Variants in ARHGEF28 observed in about 807,000 individuals in gnomAD.
The protein encoded by ARHGEF28 is 190 kDa guanine nucleotide exchange factor.
ARHGEF28 carries 152 observed loss-of-function variants against 206.6 expected under a neutral mutation model. The ratio of observed to expected loss-of-function variants is 0.74; its 90% confidence interval spans 0.64 to 0.84. ARHGEF28 has a LOEUF of 0.84. ARHGEF28 is among the 40% of genes least tolerant of loss of function. The probability of loss-of-function intolerance (pLI) is 0.00; values close to 1 mark genes in which losing one functional copy is unlikely to be tolerated. For missense variants in ARHGEF28, 2,028 were observed against 2,073.2 expected, an observed-to-expected ratio of 0.98 and a Z score of 0.42; for synonymous variants, 763 against 776.4, an observed-to-expected ratio of 0.98 and a Z score of 0.29.
intron 26 of ARHGEF28, among the ~76,000 whole-genome samples, chr5:73,890,878 G>T (rs1317457940): frequency 6.6e-6 from 1 of 152,160 alleles, no homozygotes; most frequent in African/African-American, 2.4e-5. Flanking sequence ...CATTCTTTTG[G>T]CCATTCTTTC....
In ARHGEF28 at chr5:73,792,771, A is replaced by G. The variant is rs75642075; in HGVS notation, c.911-1631A>G. Among the ~76,000 whole-genome samples, 1,367 of 151,870 alleles carry G rather than the reference A, an allele frequency of 9.0e-3. 6 individuals carry two copies. The highest frequency in any genetic ancestry group is 0.015 in the Non-Finnish European group (1,002 of 67,992). On this transcript the variant is annotated intron_variant, in intron 7 of 35. Transcript: ENST00000513042. Reference sequence around the variant, plus strand: ...GTACACTTATAATGTGCCAAATACCATGGTAGGTGCTTCACATCAATTTTC... The same window carrying G: ...GTACACTTATAATGTGCCAAATACCGTGGTAGGTGCTTCACATCAATTTTC...
Position 73,887,615 on chromosome 5 carries a change from T to C in ARHGEF28, c.3323T>C (p.Leu1108Pro). 6.4e-7 allele frequency: 1 copy of C among 1,566,914 alleles called. No individual in the cohort carries two copies. The highest frequency in any genetic ancestry group is 8.7e-7 in the Non-Finnish European group (1 of 1,154,798). ...TTTTTCTTTAAAGATATCCTAGCTC[T>C]ACTTCTAACTGATGTGCTGCTCTTT... ...ATGRFKDILA[L>P]LLTDVLLFLQ... is the part of the protein sequence containing the mutation. Residue 1108 changes from leucine (L) to proline (P), a missense_variant, in exon 26 of 36, where the codon CTA (leucine) becomes CCA (proline). This residue lies in a region of ARHGEF28 where 803 missense variants were observed against 768.0 expected (regional missense o/e 1.05). Transcript: ENST00000513042.
intron 10 of ARHGEF28, chr5:73,835,089 A>G (rs1561441400): frequency 6.6e-6 from 1 of 152,198 alleles, no homozygotes; most frequent in African/African-American, 2.4e-5. Flanking sequence ...ACCAGCATCC[A>G]CGGAAGGAGG....
At chr5:73,768,037 C>T (rs1753001232) in intron 4 of ARHGEF28, among the ~76,000 whole-genome samples, 1 of 152,198 alleles carries the variant, frequency 6.6e-6, no homozygotes, top group African/African-American at 2.4e-5. Context: ...TTGGCAGCCT[C>T]CACATGGTGT....
At chr5:73,784,353 G>A (rs1220091575) in intron 7 of ARHGEF28, among the ~76,000 whole-genome samples, 4 of 152,098 alleles carry the variant, frequency 2.6e-5, no homozygotes, top group Non-Finnish European at 5.9e-5. Context: ...TATTGCCTAC[G>A]ATCCAGTTAT....
At position 73,773,956 on chromosome 5, in the gene ARHGEF28, G is replaced by A. The variant is rs763626937; in HGVS notation, c.577G>A (p.Ala193Thr). The change falls in exon 5 of 36, where the codon GCT becomes ACT. Residue 193 changes from alanine to threonine, a missense_variant. Transcript: ENST00000513042. Reference protein sequence around the residue: ...LCLPGGVQALALPNEEGATPL... With the variant: ...LCLPGGVQALTLPNEEGATPL... ...TCTCCCGGGGGGAGTCCAGGCCTTGGCTTTACCCAACGAAGAGGGTGCCAC... is the reference window on the plus strand; with the variant it reads ...TCTCCCGGGGGGAGTCCAGGCCTTGACTTTACCCAACGAAGAGGGTGCCAC... The A allele has an allele frequency of 1.2e-6, 2 of 1,607,452 alleles. No homozygotes were observed. Among genetic ancestry groups the A allele is most frequent in the Non-Finnish European group, 1.7e-6 (2 of 1,176,858 alleles).
chr5:73,881,568 A>G (rs1479160938), intron 22 of ARHGEF28, among the ~76,000 whole-genome samples: 1 of 152,194 alleles, frequency 6.6e-6, no homozygotes, highest in African/African-American at 2.4e-5. Context: ...AAGAATTATC[A>G]TTTGAGGCTT....
At chr5:73,824,174 C>A (rs1261263501) in intron 9 of ARHGEF28, among the ~76,000 whole-genome samples, 6 of 152,128 alleles carry the variant, frequency 3.9e-5, no homozygotes, top group African/African-American at 1.2e-4. Context: ...AAGGGGTAGC[C>A]TATCTGATAT....
intron 14 of ARHGEF28, among the ~76,000 whole-genome samples, chr5:73,855,599 G>A (rs1053471648): frequency 6.6e-6 from 1 of 152,060 alleles, no homozygotes; most frequent in African/African-American, 2.4e-5. Context: ...GGGCCTGGTG[G>A]TGGGCGCCTG....
chr5:73,632,334 C>T (rs993070740), intron 1 of ARHGEF28, among the ~76,000 whole-genome samples: 1 of 152,160 alleles, frequency 6.6e-6, no homozygotes, highest in Non-Finnish European at 1.5e-5. Context: ...GAATGAAATT[C>T]TTGATTAAAA....
chr5:73,750,760 C>A (rs1377317174), intron 3 of ARHGEF28, among the ~76,000 whole-genome samples: 1 of 152,020 alleles, frequency 6.6e-6, no homozygotes, highest in East Asian at 1.9e-4. Context: ...TTTTAGAATT[C>A]TTTTTTATTG....
intron 22 of ARHGEF28, among the ~76,000 whole-genome samples, chr5:73,880,117 G>A (rs1429914443): frequency 1.3e-5 from 2 of 152,184 alleles, no homozygotes; most frequent in East Asian, 1.9e-4. Flanking sequence ...TTACCTAAGC[G>A]AGCCTGGGCA....
In ARHGEF28 at chr5:73,909,767, G is replaced by C; in HGVS notation, c.4517G>C (p.Arg1506Pro). 1 of 1,511,608 alleles carries C rather than the reference G, an allele frequency of 6.6e-7. No individual in the cohort carries two copies. The allele number at this position is 1,511,608 out of a possible 1,614,324, so 93.6% of individuals were successfully genotyped here. A position where few individuals can be genotyped will look rare whatever the true frequency, so the allele number is the denominator to read the frequency against. The change falls in exon 34 of 36, where the codon CGG (arginine) becomes CCG (proline). Residue 1506 changes from arginine to proline, a missense_variant. Coordinates refer to ENST00000513042, the MANE Select transcript of ARHGEF28 (RefSeq NM_001177693.2). Reference sequence around the variant, plus strand: ...CAGGAGTACCAGCACAGCCTGGAGCGGCTGAGGGAGGGCCAGCGCCTGGTG... The same window carrying C: ...CAGGAGTACCAGCACAGCCTGGAGCCGCTGAGGGAGGGCCAGCGCCTGGTG... ...QLQEYQHSLE[R>P]LREGQRLVER...
At chr5:73,631,051 G>A (rs1239465907) in intron 1 of ARHGEF28, among the ~76,000 whole-genome samples, 3 of 152,122 alleles carry the variant, frequency 2.0e-5, no homozygotes, top group African/African-American at 7.2e-5. Flanking sequence ...TTCCTTGTGT[G>A]GGCCATATGG....
chr5:73,688,447 A>T (rs1341612065), intron 2 of ARHGEF28, among the ~76,000 whole-genome samples: 1 of 152,178 alleles, frequency 6.6e-6, no homozygotes, highest in Admixed American at 6.5e-5. Context: ...TTTCCTGAAG[A>T]TGATAGACAT....
chr5:73,690,257 G>A (rs116827098), intron 2 of ARHGEF28, among the ~76,000 whole-genome samples: 4,709 of 152,068 alleles, frequency 0.031, 233 homozygotes, highest in African/African-American at 0.1. Flanking sequence ...GCATTTACAA[G>A]CCAATTTGTG....
At chr5:73,851,121 T>C (rs1396576534) in intron 13 of ARHGEF28, among the ~76,000 whole-genome samples, 2 of 152,228 alleles carry the variant, frequency 1.3e-5, no homozygotes. Context: ...AATGCAAAGA[T>C]ATATTCTAAT....
intron 9 of ARHGEF28, among the ~76,000 whole-genome samples, chr5:73,819,003 T>G (rs1359282272): frequency 6.6e-6 from 1 of 152,182 alleles, no homozygotes; most frequent in East Asian, 1.9e-4. Context: ...CTGTCAAAGT[T>G]CAAGGCAAAG....
chr5:73,923,070 C>T, intron 35 of ARHGEF28: 1 of 1,534,012 alleles, frequency 6.5e-7, no homozygotes, highest in Non-Finnish European at 8.7e-7. Flanking sequence ...GGTAATGCGG[C>T]CATATTTTGC....
Sources: allele counts gnomAD v4.1 joint callset (sites outside exome capture counted in the v4.1 genomes callset), GRCh38; gene constraint gnomAD v4.1.1; regional missense constraint gnomAD v4.1.1; transcripts MANE v1.5; gene names NCBI Gene and HGNC (gene_info 2026-07-23, HGNC 2026-07-21).